Variants in PROM1 observed in about 807,000 individuals in gnomAD.
PROM1 encodes the protein prominin 1, also known as prominin-1.
Under a neutral mutation model 116.9 loss-of-function variants are expected in PROM1, and 105 were observed. The ratio of observed to expected loss-of-function variants is 0.90; its 90% CI spans 0.77 to 1.06. The LOEUF is 1.06. PROM1 is among the 50% of genes least tolerant of loss of function. PROM1 has a pLI of 0.00. For synonymous variants in PROM1, 393 were observed against 387.0 expected (o/e 1.02, Z -0.18); for missense variants, 1,122 against 1,045.2 (o/e 1.07, Z -1.01).
intron 17 of PROM1, 38 bp downstream of exon 17, chr4:15,992,210 T>C (rs374114449): frequency 6.3e-7 from 1 of 1,597,848 alleles, no homozygotes; most frequent in Non-Finnish European, 8.5e-7. Flanking sequence ...ACACTTTAAT[T>C]TCTCCTAAAG....
intron 5 of PROM1, among the ~76,000 whole-genome samples, chr4:16,032,402 G>T (rs555166945): frequency 4.6e-5 from 7 of 152,164 alleles, no homozygotes; most frequent in African/African-American, 1.7e-4. Flanking sequence ...ACTGTTTTCT[G>T]TTAAAATTCC....
chr4:16,016,127 G>T (rs577172493), intron 10 of PROM1, 39 bp downstream of exon 10: 6 of 1,481,762 alleles, frequency 4.0e-6, no homozygotes, highest in East Asian at 2.5e-5. Flanking sequence ...CCTTTAAAAT[G>T]ATATAAAATC....
intron 2 of PROM1, among the ~76,000 whole-genome samples, chr4:16,042,272 C>G (rs1157471538): frequency 1.3e-5 from 2 of 152,166 alleles, no homozygotes; most frequent in Non-Finnish European, 2.9e-5. Context: ...AGTACTTATG[C>G]CTTTCTAACG....
At position 16,050,535 on chromosome 4, in the gene PROM1, G is replaced by A. The variant is rs1737621206; in HGVS notation, c.221-11534C>T. The stretch of plus-strand genomic sequence containing the variant: ...CATCCAGCTAATTTTTGTATTTTCT[G>A]AAGAGATGAGATTTCGTCATGTTGC... On this transcript the variant is annotated intron_variant, in intron 2 of 27. Transcript: ENST00000447510. 2.6e-5 allele frequency among the ~76,000 whole-genome samples: 4 copies of A among 152,068 alleles called. No homozygotes were observed. The South Asian group carries it at 8.3e-4, about 31-fold the overall frequency.
At chr4:16,063,238 G>A (rs1018290427) in intron 2 of PROM1, among the ~76,000 whole-genome samples, 4 of 152,186 alleles carry the variant, frequency 2.6e-5, no homozygotes, top group East Asian at 1.9e-4. Flanking sequence ...GAAAAGCAAC[G>A]TGGTTCTTCA....
intron 26 of PROM1, among the ~76,000 whole-genome samples, chr4:15,974,079 A>C (rs1715408271): frequency 6.7e-6 from 1 of 149,700 alleles, no homozygotes; most frequent in Admixed American, 6.9e-5. Context: ...ACACACACAC[A>C]TACAGACACA....
intron 26 of PROM1, among the ~76,000 whole-genome samples, chr4:15,978,100 A>T (rs1716705077): frequency 6.6e-6 from 1 of 152,180 alleles, no homozygotes; most frequent in South Asian, 2.1e-4. Context: ...ATTTGGCAAG[A>T]CAACGCCACC....
chr4:16,069,361 C>A (rs1742289093), intron 2 of PROM1, among the ~76,000 whole-genome samples: 1 of 152,236 alleles, frequency 6.6e-6, no homozygotes, highest in Non-Finnish European at 1.5e-5. Context: ...CAGATCTGGT[C>A]AGAACTTATG....
chr4:15,973,945 T>C (rs1426593005), intron 26 of PROM1, among the ~76,000 whole-genome samples: 1 of 152,120 alleles, frequency 6.6e-6, no homozygotes, highest in Non-Finnish European at 1.5e-5. Flanking sequence ...AGGGTGGTCA[T>C]CCTGCCCGGT....
chr4:16,056,240 A>C (rs1325710047), intron 2 of PROM1, among the ~76,000 whole-genome samples: 1 of 152,158 alleles, frequency 6.6e-6, no homozygotes, highest in African/African-American at 2.4e-5. Flanking sequence ...GAGTAACCAG[A>C]AAACGCTGCA....
chr4:16,010,259 C>T (rs553396800), intron 11 of PROM1, among the ~76,000 whole-genome samples: 2 of 152,272 alleles, frequency 1.3e-5, no homozygotes, highest in Admixed American at 1.3e-4. Context: ...AGGATTTCAC[C>T]TGAACCAACG....
At chr4:16,025,581 CACA>C (rs897152013) in intron 5 of PROM1, among the ~76,000 whole-genome samples, 7 of 152,310 alleles carry the variant, frequency 4.6e-5, no homozygotes, top group South Asian at 2.1e-4. Context: ...GAACAATGTT[CACA>C]ACAAATTGTG....
chr4:16,008,805 A>T, intron 12 of PROM1, 144 bp downstream of exon 12: 1 of 749,188 alleles, frequency 1.3e-6, no homozygotes. Context: ...TCTAATGAAC[A>T]TAAACTGGGG....
chr4:16,044,888 A>C (rs1283196329), intron 2 of PROM1, among the ~76,000 whole-genome samples: 1 of 152,130 alleles, frequency 6.6e-6, no homozygotes, highest in Non-Finnish European at 1.5e-5. Context: ...AAAAACACAA[A>C]TCTACATGGT....
intron 2 of PROM1, among the ~76,000 whole-genome samples, chr4:16,042,611 T>C (rs910272776): frequency 6.6e-6 from 1 of 152,148 alleles, no homozygotes; most frequent in Non-Finnish European, 1.5e-5. Flanking sequence ...TTTTAATAAA[T>C]AAATACAGTG....
At chr4:16,053,613 C>T (rs1260194532) in intron 2 of PROM1, among the ~76,000 whole-genome samples, 1 of 152,060 alleles carries the variant, frequency 6.6e-6, no homozygotes, top group Non-Finnish European at 1.5e-5. Flanking sequence ...TAGAAATGCA[C>T]GCTGTGGTGG....
At chr4:16,031,857 T>C (rs572600064) in intron 5 of PROM1, among the ~76,000 whole-genome samples, 1 of 152,362 alleles carries the variant, frequency 6.6e-6, no homozygotes, top group East Asian at 1.9e-4. Context: ...TTTGCTTAAA[T>C]AGTCACTGCC....
intron 14 of PROM1, among the ~76,000 whole-genome samples, chr4:15,999,784 C>T (rs188114782): frequency 1.1e-4 from 16 of 150,452 alleles, no homozygotes; most frequent in South Asian, 2.1e-4. Flanking sequence ...AGATCTTAGG[C>T]GGAAAAATGT....
chr4:16,075,912 G>A lies in PROM1; in HGVS notation c.-6C>T. 1 of 1,601,070 alleles carries A rather than the reference G, an allele frequency of 6.2e-7. No individual in the cohort carries two copies. The highest frequency in any genetic ancestry group is 8.5e-7 in the Non-Finnish European group (1 of 1,172,408). ...GAGCCGAGTACGAGGGCCATAGCTA[G>A]CAAGATCCTCCAAACATGAGGTAGA... On this transcript the variant is annotated 5_prime_UTR_variant, in exon 2 of 28. Transcript: ENST00000447510.
Sources: gnomAD v4.1 joint callset for allele counts (sites outside exome capture counted in the v4.1 genomes callset) on GRCh38, gnomAD v4.1.1 for gene constraint, MANE v1.5 for transcripts, NCBI Gene and HGNC (gene_info 2026-07-23, HGNC 2026-07-21) for gene names.